NLRC5: variants seen among roughly 807,000 people sequenced by gnomAD.
NLRC5 encodes protein NLRC5.
NLRC5 carries 114 observed loss-of-function variants against 206.9 expected under a neutral mutation model. That is an observed-to-expected ratio of 0.55 (90% CI 0.47 to 0.64). The LOEUF (loss-of-function observed/expected upper bound fraction) is 0.64, where lower values mean the gene tolerates loss of function less well. Among genes scored for constraint, NLRC5 ranks in the 30% least tolerant of loss-of-function variants. NLRC5 has a pLI of 0.00. For missense variants in NLRC5, 2,008 were observed against 2,305.5 expected, an observed-to-expected ratio of 0.87 and a Z score of 2.64; for synonymous variants, 952 against 962.8, an observed-to-expected ratio of 0.99 and a Z score of 0.21.
chr16:57,058,909 G>C (rs1215916838), intron 28 of NLRC5, 63 bp from the exon 29 acceptor site: 51 of 1,342,702 alleles, frequency 3.8e-5, no homozygotes, highest in Non-Finnish European at 5.0e-5. Flanking sequence ...GATGGAGGGG[G>C]CTGGGCAGGG....
At chr16:57,013,236 C>T (rs1200697980) in intron 1 of NLRC5, 29 of 512,450 alleles carry the variant, frequency 5.7e-5, no homozygotes, top group East Asian at 4.7e-4. Context: ...TTGGTAAAGC[C>T]ACATTCAATC....
At chr16:57,030,355 G>A (rs1269844084) in intron 10 of NLRC5, among the ~76,000 whole-genome samples, 1 of 116,468 alleles carries the variant, frequency 8.6e-6, no homozygotes, top group Non-Finnish European at 1.9e-5. Context: ...TGAATGGATG[G>A]CTGAAAAGAT....
intron 10 of NLRC5, 109 bp downstream of exon 10, chr16:57,030,193 A>G: frequency 1.2e-6 from 1 of 869,020 alleles, no homozygotes; most frequent in South Asian, 1.5e-5. Flanking sequence ...ATCTGTGCAT[A>G]CCCTACTGTT....
chr16:57,025,416 G>A lies in NLRC5; in HGVS notation c.473G>A (p.Arg158His), dbSNP rs1245843631. The A allele has an allele frequency of 8.9e-6, 14 of 1,575,408 alleles. No individual in the cohort carries two copies. Among genetic ancestry groups the A allele is most frequent in the Middle Eastern group, 1.7e-4 (1 of 5,836 alleles). The stretch of plus-strand genomic sequence containing the variant: ...CTCCTGCGGACCTCTGCCCAGCAGC[G>A]CTACAGGAGCCAAATCCCTGGGTCA... ...LQLLRTSAQQ[R>H]YRSQIPGSGQ... The change falls in exon 6 of 49, where the codon CGC (arginine) becomes CAC (histidine). Residue 158 changes from arginine (R) to histidine (H), a missense_variant. Transcript: ENST00000688547.
In NLRC5 at chr16:57,020,851, A is replaced by G. The variant is rs748115787; in HGVS notation, c.139A>G (p.Thr47Ala). The change falls in exon 3 of 49, where the codon ACC becomes GCC. Residue 47 changes from threonine (T) to alanine (A), a missense_variant. Transcript: ENST00000688547. ...CACGGACCTGGATTCCAGGAACGAG[A>G]CCTTGGACCCTGAACAGAGAGTCAT... is the stretch of plus-strand genomic sequence containing the variant. Reference protein sequence around the residue: ...PNTDLDSRNETLDPEQRVILQ... With the variant: ...PNTDLDSRNEALDPEQRVILQ... 1 of 1,613,470 alleles carries G rather than the reference A, an allele frequency of 6.2e-7. No individual in the cohort carries two copies. The highest frequency in any genetic ancestry group is 8.5e-7 in the Non-Finnish European group (1 of 1,179,918).
chr16:57,002,425 G>A (rs1350751744), intron 1 of NLRC5, among the ~76,000 whole-genome samples: 1 of 152,144 alleles, frequency 6.6e-6, no homozygotes, highest in African/African-American at 2.4e-5. Flanking sequence ...TGGAATTACA[G>A]GCGTGAGCTG....
At position 57,051,597 on chromosome 16, in the gene NLRC5, A is replaced by G. The variant is rs752715408; in HGVS notation, c.3482A>G (p.Gln1161Arg). 1.2e-6 allele frequency: 2 copies of G among 1,613,860 alleles called. No individual in the cohort carries two copies. The highest frequency in any genetic ancestry group is 1.7e-6 in the Non-Finnish European group (2 of 1,179,850). The change falls in exon 24 of 49, where the codon CAA becomes CGA. Residue 1161 changes from glutamine (Q) to arginine (R), a missense_variant. By Grantham distance (43) the Gln-to-Arg change is conservative. Transcript: ENST00000688547. Reference sequence around the variant, plus strand: ...GAGACTCTACTGGACTGCTTACCTCAACTCCCTCAGCTGAGCCTGCTGCAG... The same window carrying G: ...GAGACTCTACTGGACTGCTTACCTCGACTCCCTCAGCTGAGCCTGCTGCAG... ...SLETLLDCLP[Q>R]LPQLSLLQLS...
At chr16:57,030,915 C>T (rs1182260142) in intron 10 of NLRC5, among the ~76,000 whole-genome samples, 1 of 152,136 alleles carries the variant, frequency 6.6e-6, no homozygotes, top group Non-Finnish European at 1.5e-5. Flanking sequence ...TCGAGACCAA[C>T]CTGGGCAACA....
chr16:57,057,791 T>C (rs1263935013), intron 27 of NLRC5, among the ~76,000 whole-genome samples: 1 of 151,924 alleles, frequency 6.6e-6, no homozygotes. Flanking sequence ...CTAGTGGTGA[T>C]GGAAGGGATG....
intron 24 of NLRC5, among the ~76,000 whole-genome samples, chr16:57,051,940 T>A (rs1264027866): frequency 1.3e-5 from 2 of 152,148 alleles, no homozygotes; most frequent in Non-Finnish European, 2.9e-5. Flanking sequence ...GGGACTCAAA[T>A]AAGTTATTCT....
intron 8 of NLRC5, 67 bp downstream of exon 8, chr16:57,028,452 C>A: frequency 7.9e-7 from 1 of 1,263,748 alleles, no homozygotes; most frequent in Non-Finnish European, 1.2e-6. Flanking sequence ...CAGAGTCCCC[C>A]TGGGGCCTGC....
Position 57,077,867 on chromosome 16 carries a change from G to A in NLRC5, c.5003+65G>A, listed in dbSNP as rs543560620. 7.4e-5 allele frequency: 118 copies of A among 1,597,330 alleles called. No individual in the cohort carries two copies. In the Middle Eastern group the frequency reaches 8.3e-4, roughly 11 times the overall value. ...CCAGGTCCACCTGGCCTCCTCTCCCGCAGTGGGCACAGGGCAGGGCGGGGG... is the reference window on the plus strand; with the variant it reads ...CCAGGTCCACCTGGCCTCCTCTCCCACAGTGGGCACAGGGCAGGGCGGGGG... On this transcript the variant is annotated intron_variant, in intron 42 of 48. Transcript: ENST00000688547.
rs774889055 is a variant in NLRC5 at position 57,034,148 on chromosome 16, G to C, written c.2544-20G>C. 39 of 1,610,388 alleles carry C rather than the reference G, an allele frequency of 2.4e-5. No individual in the cohort carries two copies. Among genetic ancestry groups the C allele is most frequent in the Non-Finnish European group, 3.1e-5 (37 of 1,177,208 alleles). On this transcript the variant is annotated intron_variant, in intron 12 of 48. Transcript: ENST00000688547. ...GGGGCTGTTTGCCCTGAGCCCTTCT[G>C]TCCCCCACTCCTACCCAAGGCTGCA...
rs1321895068 is a variant in NLRC5, at chr16:57,028,169, T to A, written c.2159+14T>A. The stretch of plus-strand genomic sequence containing the variant: ...GCAGATGCTGGGGTGAGCCAGGCCT[T>A]GGAGCTGAGAAGGGTCTTCAGCTGG... On this transcript the variant is annotated intron_variant, in intron 7 of 48. Transcript: ENST00000688547. 1.9e-6 allele frequency: 3 copies of A among 1,610,120 alleles called. No individual in the cohort carries two copies.
chr16:57,066,621 C>G lies in NLRC5; in HGVS notation c.4322+7C>G, dbSNP rs377667664. The G allele has an allele frequency of 3.7e-6, 6 of 1,613,112 alleles. No homozygotes were observed. Among genetic ancestry groups the G allele is most frequent in the Admixed American group, 1.7e-5 (1 of 60,002 alleles). On this transcript the variant is annotated splice_region_variant and intron_variant, in intron 34 of 48. Coordinates refer to ENST00000688547, the MANE Select transcript of NLRC5 (RefSeq NM_001384950.1). ...CAGAAGCTGTGGCACTCAGGTGGGA[C>G]CCAGCACCAGGGACCCCAAGGCAGG...
chr16:57,061,711 C>T lies in NLRC5; in HGVS notation c.4154+10C>T. ...GGCTGTTCAGCCTCAGGTACCTCCT[C>T]CCCCGCTGCCTCCGGGAGGGGCCAT... On this transcript the variant is annotated intron_variant, in intron 32 of 48. Coordinates refer to ENST00000688547, the MANE Select transcript of NLRC5 (RefSeq NM_001384950.1). 2 of 1,597,292 alleles carry T rather than the reference C, an allele frequency of 1.3e-6. No individual in the cohort carries two copies. The highest frequency in any genetic ancestry group is 1.7e-6 in the Non-Finnish European group (2 of 1,174,384).
intron 38 of NLRC5, among the ~76,000 whole-genome samples, chr16:57,072,862 T>G (rs2067948547): frequency 6.6e-6 from 1 of 152,194 alleles, no homozygotes; most frequent in Non-Finnish European, 1.5e-5. Context: ...AAGTAGCCTT[T>G]TGACTTTTTG....
At chr16:57,075,005 CTTTTTTTTTTTTTTTTTTTTTTTTTTTTT>C (rs77796033) in intron 39 of NLRC5, among the ~76,000 whole-genome samples, 13 of 58,066 alleles carry the variant, frequency 2.2e-4, no homozygotes, top group African/African-American at 8.4e-4. Context: ...CTAGACTGTG[CTTTTTTTTTTTTTTTTTTTTTTTTTTTTT>C]TTTTTTTTTT....
intron 18 of NLRC5, 37 bp from the exon 19 acceptor site, chr16:57,041,945 C>T: frequency 6.9e-7 from 1 of 1,439,124 alleles, no homozygotes; most frequent in Non-Finnish European, 9.4e-7. Flanking sequence ...CACTCCCCAC[C>T]TGCTAATGTT....
Sources: gnomAD v4.1 joint callset for allele counts (sites outside exome capture counted in the v4.1 genomes callset) on GRCh38, gnomAD v4.1.1 for gene constraint, MANE v1.5 for transcripts, NCBI Gene and HGNC (gene_info 2026-07-23, HGNC 2026-07-21) for gene names.